The following JAK2 variants were observed in gnomAD, a reference collection of about 807,000 sequenced individuals.
JAK2 encodes the protein Janus kinase 2.
JAK2 carries 86 observed loss-of-function variants against 139.3 expected under a neutral mutation model. That is an observed-to-expected ratio of 0.62 (90% CI 0.52 to 0.74). The LOEUF is 0.74. Ranked by LOEUF, JAK2 falls within the 30% of genes least tolerant of loss-of-function variation. The pLI is 0.00. For synonymous variants in JAK2, 490 were observed against 437.7 expected, an observed-to-expected ratio of 1.12 and a Z score of -1.49; for missense variants, 1,421 against 1,360.3, an observed-to-expected ratio of 1.04 and a Z score of -0.70.
At chr9:4,999,204 C>T (rs974557972) in intron 2 of JAK2, among the ~76,000 whole-genome samples, 4 of 152,144 alleles carry the variant, frequency 2.6e-5, no homozygotes, top group African/African-American at 4.8e-5. Context: ...CATTTGACTT[C>T]GGTAGCCCTT....
intron 4 of JAK2, among the ~76,000 whole-genome samples, chr9:5,037,988 A>C (rs950347002): frequency 6.6e-6 from 1 of 152,230 alleles, no homozygotes; most frequent in Non-Finnish European, 1.5e-5. Flanking sequence ...ATGAATATAT[A>C]GCGTCACTAG....
chr9:5,120,519 G>C (rs564984783), intron 22 of JAK2, among the ~76,000 whole-genome samples: 9 of 152,096 alleles, frequency 5.9e-5, no homozygotes, highest in Non-Finnish European at 1.2e-4. Context: ...TAACAATATG[G>C]TTGACGGTAA....
At chr9:4,984,985 C>T (rs1819858791), upstream of JAK2, 1 of 152,344 alleles carries the variant, frequency 6.6e-6, no homozygotes, top group South Asian at 2.1e-4. Flanking sequence ...CCCTGCGTGG[C>T]CCGCGCCTGC....
At chr9:5,030,147 T>A (rs1240818058) in intron 4 of JAK2, among the ~76,000 whole-genome samples, 4 of 152,204 alleles carry the variant, frequency 2.6e-5, no homozygotes, top group Admixed American at 2.6e-4. Context: ...TAACTCCTTA[T>A]GATTATAATT....
chr9:5,058,886 T>A (rs1817963965), intron 8 of JAK2, among the ~76,000 whole-genome samples: 1 of 152,184 alleles, frequency 6.6e-6, no homozygotes, highest in African/African-American at 2.4e-5. Flanking sequence ...TAATCAGGTT[T>A]TTTTTGCTGA....
Position 5,123,120 on chromosome 9 carries a change from C to T in JAK2, c.3176C>T (p.Ala1059Val), listed in dbSNP as rs772889316. 3.3e-5 allele frequency: 52 copies of T among 1,563,294 alleles called. No homozygotes were observed. In the South Asian group the frequency reaches 4.4e-4, roughly 13 times the overall value. ...TYIEKSKSPP[A>V]EFMRMIGNDK... The stretch of plus-strand genomic sequence containing the variant: ...ATTGAGAAGAGTAAAAGTCCACCAG[C>T]GGTCAGTGTGCTTTTTATTTACTTT... Residue 1059 changes from alanine (A) to valine (V), a missense_variant and splice_region_variant, in exon 23 of 25, where the codon GCG (alanine) becomes GTG (valine). By Grantham distance (64) the Ala-to-Val change is moderately conservative (BLOSUM62 0). Coordinates refer to ENST00000381652, the MANE Select transcript of JAK2 (RefSeq NM_004972.4).
intron 22 of JAK2, chr9:5,100,580 C>G (rs1008863144): frequency 2.0e-5 from 3 of 152,266 alleles, no homozygotes; most frequent in Non-Finnish European, 2.9e-5. Flanking sequence ...TAGGAGGACA[C>G]TGACCCCCCA....
chr9:5,094,757 G>A (rs1820853725), intron 22 of JAK2: 1 of 152,052 alleles, frequency 6.6e-6, no homozygotes, highest in African/African-American at 2.4e-5. Flanking sequence ...CAGAATATAT[G>A]AATATTATTG....
intron 5 of JAK2, among the ~76,000 whole-genome samples, chr9:5,047,181 T>C (rs1817067243): frequency 6.6e-6 from 1 of 152,248 alleles, no homozygotes; most frequent in South Asian, 2.1e-4. Context: ...ACTCTAAGAT[T>C]GTACTGTTAT....
In JAK2 at chr9:5,065,006, G is replaced by C. The variant is rs754709426; in HGVS notation, c.1180G>C (p.Glu394Gln). 6.2e-7 allele frequency: 1 copy of C among 1,604,708 alleles called. No homozygotes were observed. The highest frequency in any genetic ancestry group is 8.5e-7 in the Non-Finnish European group (1 of 1,175,722). Residue 394 changes from glutamate (E) to glutamine (Q), a missense_variant, in exon 9 of 25, where the codon GAA becomes CAA. Physicochemically the swap from Glu to Gln is conservative, Grantham distance 29. Transcript: ENST00000381652. ...CKEVAPPAVL[E>Q]NIQSNCHGPI... ...AGAAGTAGCACCTCCAGCCGTGCTTGAAAATATACAAAGCAACTGTCATGG... is the reference window on the plus strand; with the variant it reads ...AGAAGTAGCACCTCCAGCCGTGCTTCAAAATATACAAAGCAACTGTCATGG...
intron 4 of JAK2, among the ~76,000 whole-genome samples, chr9:5,040,693 CA>C (rs1252258764): frequency 6.6e-6 from 1 of 152,232 alleles, no homozygotes; most frequent in Admixed American, 6.5e-5. Flanking sequence ...TACAAATGGC[CA>C]AAAAGCATGT....
intron 22 of JAK2, among the ~76,000 whole-genome samples, chr9:5,093,031 T>C (rs1344099771): frequency 2.0e-5 from 3 of 152,114 alleles, no homozygotes; most frequent in African/African-American, 7.2e-5. Context: ...TTCTAATCAC[T>C]CTACGGAACT....
chr9:5,027,447 T>C (rs1822851189), intron 3 of JAK2, among the ~76,000 whole-genome samples: 1 of 152,202 alleles, frequency 6.6e-6, no homozygotes, highest in Non-Finnish European at 1.5e-5. Context: ...CATAATCTTT[T>C]TGTTAGTGGA....
intron 3 of JAK2, among the ~76,000 whole-genome samples, chr9:5,028,974 T>C (rs775331049): frequency 8.5e-5 from 13 of 152,262 alleles, no homozygotes; most frequent in Non-Finnish European, 4.4e-5. Flanking sequence ...AGTCGCATTT[T>C]TAATTTCATT....
chr9:5,119,374 T>C (rs1823444445), intron 22 of JAK2, among the ~76,000 whole-genome samples: 1 of 151,930 alleles, frequency 6.6e-6, no homozygotes, highest in Non-Finnish European at 1.5e-5. Flanking sequence ...TAATTTTAAA[T>C]AGAAAATTAT....
chr9:5,041,077 A>T, intron 4 of JAK2: 1 of 695,914 alleles, frequency 1.4e-6, no homozygotes, highest in Non-Finnish European at 2.6e-6. Flanking sequence ...CAGGTCTACT[A>T]CCTACTACAG....
At chr9:5,114,306 C>A in intron 22 of JAK2, 1 of 542,830 alleles carries the variant, frequency 1.8e-6, no homozygotes, top group Non-Finnish European at 3.6e-6. Context: ...GACTTGGTCC[C>A]AGGCCAGTGG....
intron 2 of JAK2, among the ~76,000 whole-genome samples, chr9:5,006,198 G>A (rs1053272172): frequency 5.3e-5 from 8 of 152,094 alleles, no homozygotes; most frequent in Admixed American, 1.3e-4. Context: ...TCTCCTTGAA[G>A]AGGTCCTTCA....
rs1275436359 is a variant in JAK2, at chr9:5,115,801, A to G, written c.3060-7203A>G. On this transcript the variant is annotated intron_variant, in intron 22 of 24. Coordinates refer to ENST00000381652, the MANE Select transcript of JAK2 (RefSeq NM_004972.4). ...CTAGAAACCATAATTCTCAGCAAAC[A>G]CAGGAACAGAAAACCATACACCACT... 3.3e-5 allele frequency among the ~76,000 whole-genome samples: 5 copies of G among 152,210 alleles called. No individual in the cohort carries two copies. In the East Asian group the frequency reaches 9.7e-4, roughly 29 times the overall value.
Sources: gnomAD v4.1 joint callset for allele counts (sites outside exome capture counted in the v4.1 genomes callset) on GRCh38, gnomAD v4.1.1 for gene constraint, MANE v1.5 for transcripts, NCBI Gene and HGNC (gene_info 2026-07-23, HGNC 2026-07-21) for gene names.